The following DLG2 variants were observed in gnomAD, a reference collection of about 807,000 sequenced individuals.
DLG2 encodes the protein discs large MAGUK scaffold protein 2.
A neutral mutation model predicts 132.5 loss-of-function variants in DLG2; 45 were observed. The observed-to-expected ratio is 0.34, with a 90% CI of 0.27 to 0.44. The LOEUF is 0.44. Ranked by LOEUF, DLG2 falls within the 20% of genes least tolerant of loss-of-function variation. The pLI is 1.00. For missense variants in DLG2, 1,045 were observed against 1,196.9 expected, an observed-to-expected ratio of 0.87 and a Z score of 1.87; for synonymous variants, 424 against 419.6, an observed-to-expected ratio of 1.01 and a Z score of -0.13.
At chr11:85,584,587 G>A (rs2078845236) in intron 3 of DLG2, among the ~76,000 whole-genome samples, 1 of 152,104 alleles carries the variant, frequency 6.6e-6, no homozygotes, top group African/African-American at 2.4e-5. Context: ...TCTTCATACT[G>A]TTTTCCATAA....
At chr11:83,914,676 G>C (rs767449281) in intron 15 of DLG2, among the ~76,000 whole-genome samples, 1 of 152,138 alleles carries the variant, frequency 6.6e-6, no homozygotes, top group East Asian at 1.9e-4. Context: ...CTAGTGAGTA[G>C]AGCCAGGATC....
chr11:83,897,163 T>C (rs2071979990), intron 15 of DLG2, among the ~76,000 whole-genome samples: 2 of 152,328 alleles, frequency 1.3e-5, no homozygotes, highest in Middle Eastern at 3.4e-3. Flanking sequence ...GAGCCACTGC[T>C]AGCCAGCAGA....
chr11:83,583,567 A>C (rs1197046867), intron 19 of DLG2, among the ~76,000 whole-genome samples: 2 of 152,196 alleles, frequency 1.3e-5, no homozygotes, highest in African/African-American at 4.8e-5. Flanking sequence ...TTTATCTCTA[A>C]GGTAACTTGC....
intron 6 of DLG2, among the ~76,000 whole-genome samples, chr11:84,911,325 T>A (rs1184810984): frequency 1.3e-5 from 2 of 151,910 alleles, no homozygotes; most frequent in Non-Finnish European, 2.9e-5. Flanking sequence ...ACTGTTTTAC[T>A]TATAAACCTA....
rs2099350976 is a variant in DLG2 at position 84,534,644 on chromosome 11, C to G, written c.445G>C (p.Val149Leu). The G allele has an allele frequency of 6.2e-7, 1 of 1,614,008 alleles. No homozygotes were observed. Among genetic ancestry groups the G allele is most frequent in the Non-Finnish European group, 8.5e-7 (1 of 1,179,922 alleles). Residue 149 changes from valine (V) to leucine (L), a missense_variant, in exon 7 of 28, where the codon GTA becomes CTA. Physicochemically the swap from Val to Leu is conservative, Grantham distance 32. Coordinates refer to ENST00000376104, the MANE Select transcript of DLG2 (RefSeq NM_001142699.3). The stretch of plus-strand genomic sequence containing the variant: ...ATTTGAGAGAGGTTCTTTTCTGATA[C>G]ATGCACGAGTTCTGGGCCTCTTACT... ...HEVRGPELVH[V>L]SEKNLSQIEN...
intron 6 of DLG2, among the ~76,000 whole-genome samples, chr11:84,842,352 A>T (rs919096604): frequency 6.6e-6 from 1 of 152,134 alleles, no homozygotes; most frequent in Admixed American, 6.6e-5. Flanking sequence ...AGGGCCACCA[A>T]TTAATGCATG....
At chr11:83,999,434 T>C (rs2094219455) in intron 11 of DLG2, among the ~76,000 whole-genome samples, 1 of 152,072 alleles carries the variant, frequency 6.6e-6, no homozygotes, top group African/African-American at 2.4e-5. Context: ...AGGGTTGTCC[T>C]ACCACTATCA....
At chr11:84,317,122 T>C in intron 7 of DLG2, 1 of 1,612,602 alleles carries the variant, frequency 6.2e-7, no homozygotes, top group Non-Finnish European at 8.5e-7. Context: ...TGCAGCTGTG[T>C]TGCTTGGTGA....
intron 8 of DLG2, among the ~76,000 whole-genome samples, chr11:84,224,703 C>T (rs985600938): frequency 1.1e-4 from 16 of 152,190 alleles, no homozygotes; most frequent in African/African-American, 3.9e-4. Context: ...TGCAGTTTGG[C>T]TTGAGTCAAT....
chr11:84,290,456 T>C (rs1472700614), intron 7 of DLG2, among the ~76,000 whole-genome samples: 1 of 152,070 alleles, frequency 6.6e-6, no homozygotes, highest in Non-Finnish European at 1.5e-5. Context: ...GGGATAATAA[T>C]CCCTGTTATC....
chr11:85,058,336 A>T (rs1371844633), intron 6 of DLG2, among the ~76,000 whole-genome samples: 1 of 151,560 alleles, frequency 6.6e-6, no homozygotes, highest in African/African-American at 2.4e-5. Flanking sequence ...ATGTAATGAG[A>T]TGTTCAAGAA....
intron 3 of DLG2, among the ~76,000 whole-genome samples, chr11:85,457,211 G>C (rs1418106315): frequency 6.7e-6 from 1 of 150,210 alleles, no homozygotes; most frequent in African/African-American, 2.5e-5. Context: ...ATCTTTGTTG[G>C]GCTTAAAGTC....
At chr11:84,271,121 T>C (rs561492186) in intron 7 of DLG2, among the ~76,000 whole-genome samples, 154 of 152,304 alleles carry the variant, frequency 1.0e-3, no homozygotes, top group African/African-American at 3.4e-3. Flanking sequence ...AGAGTTATTC[T>C]TAACTGATAA....
chr11:84,051,269 A>G (rs1363788269), intron 11 of DLG2, among the ~76,000 whole-genome samples: 2 of 151,932 alleles, frequency 1.3e-5, no homozygotes, highest in Non-Finnish European at 1.5e-5. Context: ...AAATCCCATT[A>G]CTGGGTATAT....
intron 2 of DLG2, among the ~76,000 whole-genome samples, chr11:85,616,392 T>C (rs1221496629): frequency 6.6e-6 from 1 of 152,212 alleles, no homozygotes; most frequent in Non-Finnish European, 1.5e-5. Flanking sequence ...GGTGGCATCA[T>C]CATAAGAAGG....
intron 6 of DLG2, among the ~76,000 whole-genome samples, chr11:84,872,470 T>C (rs1410323024): frequency 5.3e-5 from 8 of 152,110 alleles, no homozygotes; most frequent in Non-Finnish European, 1.5e-5. Context: ...TGGGAGATAG[T>C]CATGTAGCTA....
chr11:83,827,826 G>C (rs763178909), intron 17 of DLG2, among the ~76,000 whole-genome samples: 18 of 152,196 alleles, frequency 1.2e-4, no homozygotes, highest in Non-Finnish European at 1.8e-4. Flanking sequence ...GACTGCACTA[G>C]TTAATGTGAC....
chr11:85,281,182 T>C (rs1290120434), intron 4 of DLG2, among the ~76,000 whole-genome samples: 1 of 152,034 alleles, frequency 6.6e-6, no homozygotes, highest in East Asian at 1.9e-4. Flanking sequence ...GTGAAACTTG[T>C]ATTTAAGATC....
At chr11:84,854,810 C>G (rs1364511549) in intron 6 of DLG2, among the ~76,000 whole-genome samples, 1 of 151,966 alleles carries the variant, frequency 6.6e-6, no homozygotes, top group African/African-American at 2.4e-5. Context: ...GCTCTCTGTA[C>G]CCCATAGTGA....
Sources: allele counts gnomAD v4.1 joint callset (sites outside exome capture counted in the v4.1 genomes callset), GRCh38; gene constraint gnomAD v4.1.1; transcripts MANE v1.5; gene names NCBI Gene and HGNC (gene_info 2026-07-23, HGNC 2026-07-21).